The following ADGRL2 variants were observed in gnomAD, a reference collection of about 807,000 sequenced individuals.
The protein encoded by ADGRL2 is calcium-independent alpha-latrotoxin receptor 2.
In ADGRL2, 44 loss-of-function variants were observed where a neutral mutation model predicts 157.4. The observed-to-expected ratio is 0.28, with a 90% confidence interval of 0.22 to 0.36. ADGRL2 has a LOEUF of 0.36. Among genes scored for constraint, ADGRL2 ranks in the 10% least tolerant of loss-of-function variants. ADGRL2 has a pLI of 1.00. For synonymous variants in ADGRL2, 585 were observed against 624.7 expected (o/e 0.94, Z 0.95); for missense variants, 1,510 against 1,768.9 (o/e 0.85, Z 2.63).
At chr1:81,306,465 T>C (rs926002187) in exon 1 of ADGRL2, 6 of 144,884 alleles carry the variant, frequency 4.1e-5, no homozygotes, top group African/African-American at 1.5e-4. Flanking sequence ...TACTTACAAC[T>C]TTTTTTTTTT....
At chr1:81,637,007 T>C (rs1452867744) in intron 3 of ADGRL2, among the ~76,000 whole-genome samples, 1 of 152,142 alleles carries the variant, frequency 6.6e-6, no homozygotes, top group Non-Finnish European at 1.5e-5. Context: ...GGCTAATTTT[T>C]GAATTTTTAG....
chr1:81,868,784 T>C (rs1352905189), intron 2 of ADGRL2, among the ~76,000 whole-genome samples: 1 of 151,232 alleles, frequency 6.6e-6, no homozygotes, highest in African/African-American at 2.4e-5. Context: ...ATTTTACATC[T>C]TTTTTGGGGG....
chr1:81,723,840 T>C (rs760956477), intron 1 of ADGRL2, among the ~76,000 whole-genome samples: 5 of 152,128 alleles, frequency 3.3e-5, no homozygotes, highest in Non-Finnish European at 7.4e-5. Context: ...TTTTTTGTAA[T>C]GCTGCAGTAG....
intron 1 of ADGRL2, among the ~76,000 whole-genome samples, chr1:81,411,695 A>G (rs866696725): frequency 6.6e-5 from 10 of 152,096 alleles, no homozygotes; most frequent in African/African-American, 2.4e-4. Context: ...GATCGAGACC[A>G]CGGTGAAACC....
intron 2 of ADGRL2, among the ~76,000 whole-genome samples, chr1:81,569,525 A>G (rs1239380363): frequency 6.6e-6 from 1 of 152,212 alleles, no homozygotes; most frequent in African/African-American, 2.4e-5. Context: ...GTCAGCATGT[A>G]GGCCAGGTGC....
intron 5 of ADGRL2, among the ~76,000 whole-genome samples, chr1:81,942,516 TA>T (rs536335037): frequency 2.3e-3 from 346 of 152,072 alleles, no homozygotes; most frequent in African/African-American, 7.9e-3. Flanking sequence ...AAGTTCTAAA[TA>T]AGTCTTCACA....
At chr1:81,508,959 G>A (rs149377945) in intron 2 of ADGRL2, among the ~76,000 whole-genome samples, 1 of 152,278 alleles carries the variant, frequency 6.6e-6, no homozygotes, top group East Asian at 1.9e-4. Context: ...TCAAAGAACT[G>A]TTGATCTACT....
chr1:81,751,692 T>C (rs1203927719), intron 1 of ADGRL2, among the ~76,000 whole-genome samples: 2 of 152,194 alleles, frequency 1.3e-5, no homozygotes, highest in East Asian at 3.9e-4. Context: ...GATGTATCAG[T>C]ATTAACTTTC....
intron 11 of ADGRL2, among the ~76,000 whole-genome samples, chr1:81,961,547 G>T (rs79431989): frequency 7.6e-6 from 1 of 131,220 alleles, no homozygotes; most frequent in Non-Finnish European, 1.6e-5. Flanking sequence ...TGCTCTTGTC[G>T]TCCAGGCTAG....
intron 1 of ADGRL2, among the ~76,000 whole-genome samples, chr1:81,816,559 A>T (rs1289536054): frequency 6.6e-6 from 1 of 151,934 alleles, no homozygotes; most frequent in Admixed American, 6.6e-5. Context: ...GAGAACCAGG[A>T]TATAAATTTA....
intron 1 of ADGRL2, among the ~76,000 whole-genome samples, chr1:81,424,037 C>T (rs990852614): frequency 2.6e-5 from 4 of 152,128 alleles, no homozygotes; most frequent in South Asian, 2.1e-4. Context: ...AGCATTATAT[C>T]GCACACTTCA....
chr1:81,395,822 T>G (rs997017055), intron 1 of ADGRL2, among the ~76,000 whole-genome samples: 2 of 152,234 alleles, frequency 1.3e-5, no homozygotes, highest in African/African-American at 4.8e-5. Context: ...TAAATGTTCT[T>G]AGCAACTTTG....
intron 1 of ADGRL2, chr1:81,722,386 G>T (rs1175307153): frequency 3.8e-6 from 3 of 790,476 alleles, no homozygotes. Context: ...ATGGTGAACT[G>T]CAGAAAGCCA....
rs188276033 is a variant in ADGRL2, at chr1:81,897,442, A to G, written c.74-9575A>G. 2.0e-5 allele frequency among the ~76,000 whole-genome samples: 3 copies of G among 152,322 alleles called. No homozygotes were observed. The East Asian group carries it at 5.8e-4, about 29-fold the overall frequency. On this transcript the variant is annotated intron_variant, in intron 2 of 23. Coordinates refer to ENST00000686636, the MANE Select transcript of ADGRL2 (RefSeq NM_001366006.2). The stretch of plus-strand genomic sequence containing the variant: ...AATTTTTTTAAGTTAAGTATTAAAC[A>G]TAATATTTTATAACTGAAATATGTT...
At chr1:81,541,385 G>T (rs191605384) in intron 2 of ADGRL2, among the ~76,000 whole-genome samples, 1 of 152,172 alleles carries the variant, frequency 6.6e-6, no homozygotes, top group African/African-American at 2.4e-5. Context: ...GTACCAGATT[G>T]TGCTGGTGGT....
At chr1:81,761,767 T>A (rs1011704896) in intron 1 of ADGRL2, 1 of 152,008 alleles carries the variant, frequency 6.6e-6, no homozygotes, top group African/African-American at 2.4e-5. Flanking sequence ...AGGATCCCTG[T>A]GGATGGAGGT....
chr1:81,577,967 G>A (rs1326945847), intron 2 of ADGRL2, among the ~76,000 whole-genome samples: 2 of 152,130 alleles, frequency 1.3e-5, no homozygotes, highest in Non-Finnish European at 2.9e-5. Context: ...TGCTTATCAA[G>A]TTTTCATTCT....
At chr1:81,513,491 A>C (rs2079116172) in intron 2 of ADGRL2, among the ~76,000 whole-genome samples, 1 of 152,212 alleles carries the variant, frequency 6.6e-6, no homozygotes. Context: ...TGAAGTAAAC[A>C]GTATATTTTA....
intron 2 of ADGRL2, among the ~76,000 whole-genome samples, chr1:81,568,784 A>G (rs957220399): frequency 6.6e-6 from 1 of 152,180 alleles, no homozygotes; most frequent in Non-Finnish European, 1.5e-5. Flanking sequence ...TTAAACCAAA[A>G]ACTGAATTAT....
Sources: gnomAD v4.1 joint callset for allele counts (sites outside exome capture counted in the v4.1 genomes callset) on GRCh38, gnomAD v4.1.1 for gene constraint, MANE v1.5 for transcripts, NCBI Gene and HGNC (gene_info 2026-07-23, HGNC 2026-07-21) for gene names.